The following ADAMTS12 variants were observed in gnomAD, a reference collection of about 807,000 sequenced individuals.
ADAMTS12 encodes ADAM metallopeptidase with thrombospondin type 1 motif 12.
In ADAMTS12, 118 loss-of-function variants were observed where a neutral mutation model predicts 167.8. The observed-to-expected ratio is 0.70, with a 90% CI of 0.61 to 0.82. ADAMTS12 has a LOEUF of 0.82. Among genes scored for constraint, ADAMTS12 ranks in the 40% least tolerant of loss-of-function variants. The pLI is 0.00. For missense variants in ADAMTS12, 1,916 were observed against 1,998.8 expected, an observed-to-expected ratio of 0.96 and a Z score of 0.79; for synonymous variants, 704 against 716.9, an observed-to-expected ratio of 0.98 and a Z score of 0.29.
intron 19 of ADAMTS12, among the ~76,000 whole-genome samples, chr5:33,563,296 C>T (rs554138144): frequency 6.6e-6 from 1 of 152,302 alleles, no homozygotes; most frequent in East Asian, 1.9e-4. Context: ...CAGCTTCTGT[C>T]ATCCAGAGGT....
chr5:33,705,549 A>C (rs6860522), intron 3 of ADAMTS12, among the ~76,000 whole-genome samples: 92,771 of 151,942 alleles, frequency 0.61, 29,504 homozygotes, highest in Non-Finnish European at 0.69. Flanking sequence ...ACGGTGGCTC[A>C]AGCCTGTAAT....
chr5:33,563,174 T>G (rs1290389206), intron 19 of ADAMTS12, among the ~76,000 whole-genome samples: 6 of 152,220 alleles, frequency 3.9e-5, no homozygotes, highest in African/African-American at 1.4e-4. Flanking sequence ...CTTTGTATCA[T>G]ATTATGTATC....
chr5:33,887,697 GT>G (rs1750684212), intron 1 of ADAMTS12, among the ~76,000 whole-genome samples: 1 of 151,786 alleles, frequency 6.6e-6, no homozygotes, highest in Admixed American at 6.6e-5. Flanking sequence ...AAGGACAGAG[GT>G]AAGAGAATAT....
intron 2 of ADAMTS12, among the ~76,000 whole-genome samples, chr5:33,846,230 T>C (rs973605545): frequency 2.0e-5 from 3 of 151,450 alleles, no homozygotes; most frequent in African/African-American, 7.2e-5. Flanking sequence ...TATTCTAGAC[T>C]GAAGAAACTG....
intron 19 of ADAMTS12, among the ~76,000 whole-genome samples, chr5:33,567,329 T>C (rs1656600961): frequency 6.6e-6 from 1 of 152,230 alleles, no homozygotes; most frequent in African/African-American, 2.4e-5. Flanking sequence ...TAACTAAATA[T>C]CAAAATACAA....
chr5:33,750,395 T>A (rs1362561202), intron 3 of ADAMTS12, among the ~76,000 whole-genome samples: 1 of 152,228 alleles, frequency 6.6e-6, no homozygotes, highest in East Asian at 1.9e-4. Context: ...GCATAGGGAC[T>A]GGGTGAAGTC....
chr5:33,569,727 T>C (rs539023698), intron 19 of ADAMTS12, among the ~76,000 whole-genome samples: 243 of 152,192 alleles, frequency 1.6e-3, no homozygotes, highest in African/African-American at 5.6e-3. Context: ...TCACCAGCAA[T>C]GGAACAAAGC....
chr5:33,756,874 G>A (rs1441514349), intron 2 of ADAMTS12, among the ~76,000 whole-genome samples: 1 of 152,190 alleles, frequency 6.6e-6, no homozygotes, highest in Non-Finnish European at 1.5e-5. Context: ...AACTTCCTGT[G>A]GTGATGAAGA....
At chr5:33,700,561 A>G (rs1332092969) in intron 3 of ADAMTS12, among the ~76,000 whole-genome samples, 1 of 152,226 alleles carries the variant, frequency 6.6e-6, no homozygotes, top group Non-Finnish European at 1.5e-5. Context: ...GGGTATGGTT[A>G]TAAAAGATCA....
At chr5:33,607,217 C>T (rs991536125) in intron 16 of ADAMTS12, among the ~76,000 whole-genome samples, 15 of 90,626 alleles carry the variant, frequency 1.7e-4, no homozygotes, top group African/African-American at 4.2e-4. Flanking sequence ...GTGACAGGCC[C>T]AATGCAATGC....
At chr5:33,819,309 C>G (rs985324884) in intron 2 of ADAMTS12, among the ~76,000 whole-genome samples, 2 of 152,034 alleles carry the variant, frequency 1.3e-5, no homozygotes, top group Non-Finnish European at 2.9e-5. Flanking sequence ...ATCTAGTTTT[C>G]TCAGCATCAT....
chr5:33,624,169 A>T, intron 14 of ADAMTS12, 62 bp downstream of exon 14: 1 of 1,604,560 alleles, frequency 6.2e-7, no homozygotes, highest in Non-Finnish European at 8.5e-7. Flanking sequence ...GAACCAATCA[A>T]CCATTTATCT....
intron 2 of ADAMTS12, among the ~76,000 whole-genome samples, chr5:33,766,626 T>C (rs373342341): frequency 7.2e-5 from 11 of 152,270 alleles, no homozygotes; most frequent in African/African-American, 2.4e-4. Flanking sequence ...CTCCACACTA[T>C]CTTTACAGCT....
intron 3 of ADAMTS12, among the ~76,000 whole-genome samples, chr5:33,726,780 C>T (rs1014460292): frequency 6.6e-5 from 10 of 152,066 alleles, no homozygotes; most frequent in Non-Finnish European, 1.3e-4. Context: ...AGTGCAGAGG[C>T]TTTCTTGGGC....
At chr5:33,730,568 A>C (rs1469940473) in intron 3 of ADAMTS12, among the ~76,000 whole-genome samples, 2 of 152,020 alleles carry the variant, frequency 1.3e-5, no homozygotes, top group African/African-American at 4.8e-5. Context: ...CTATAATTTT[A>C]TTGTTTTTTG....
At chr5:33,673,201 C>T (rs1741781322) in intron 5 of ADAMTS12, among the ~76,000 whole-genome samples, 1 of 152,132 alleles carries the variant, frequency 6.6e-6, no homozygotes, top group Admixed American at 6.5e-5. Context: ...CTTCTTCTGT[C>T]CTTCCTTTGG....
intron 17 of ADAMTS12, among the ~76,000 whole-genome samples, chr5:33,590,542 C>T (rs1403660410): frequency 6.6e-6 from 1 of 152,196 alleles, no homozygotes; most frequent in Non-Finnish European, 1.5e-5. Flanking sequence ...CTCCTTCAGC[C>T]TTATGAGGAT....
chr5:33,629,675 A>G (rs1041700787), intron 13 of ADAMTS12, among the ~76,000 whole-genome samples: 1 of 152,202 alleles, frequency 6.6e-6, no homozygotes, highest in Non-Finnish European at 1.5e-5. Flanking sequence ...CAACTTCCTG[A>G]GCAACCTTGG....
chr5:33,785,234 G>A (rs1403354914), intron 2 of ADAMTS12, among the ~76,000 whole-genome samples: 3 of 151,938 alleles, frequency 2.0e-5, no homozygotes, highest in Non-Finnish European at 4.4e-5. Context: ...AGAAACTATA[G>A]GAGAAACTCA....
Sources: gnomAD v4.1 joint callset for allele counts (sites outside exome capture counted in the v4.1 genomes callset) on GRCh38, gnomAD v4.1.1 for gene constraint, MANE v1.5 for transcripts, NCBI Gene and HGNC (gene_info 2026-07-23, HGNC 2026-07-21) for gene names.